OSBPL8: variants seen among roughly 807,000 people sequenced by gnomAD.
The protein encoded by OSBPL8 is oxysterol-binding protein-related protein 8.
Under a neutral mutation model 125.5 loss-of-function variants are expected in OSBPL8, and 59 were observed. That is an observed-to-expected ratio of 0.47 (90% CI 0.38 to 0.58). The LOEUF (loss-of-function observed/expected upper bound fraction) is 0.58. Ranked by LOEUF, OSBPL8 falls within the 20% of genes least tolerant of loss-of-function variation. OSBPL8 has a pLI of 0.00. For missense variants in OSBPL8, 758 were observed against 1,047.8 expected (o/e 0.72, Z 3.82); for synonymous variants, 330 against 338.9 (o/e 0.97, Z 0.29).
intron 2 of OSBPL8, among the ~76,000 whole-genome samples, chr12:76,474,436 CA>C (rs1876554271): frequency 6.6e-6 from 1 of 151,388 alleles, no homozygotes; most frequent in African/African-American, 2.4e-5. Flanking sequence ...TACACACATA[CA>C]TATATATATA....
At chr12:76,439,527 TG>T (rs941138944) in intron 4 of OSBPL8, among the ~76,000 whole-genome samples, 1 of 152,150 alleles carries the variant, frequency 6.6e-6, no homozygotes, top group Non-Finnish European at 1.5e-5. Context: ...TGTATGTGCT[TG>T]GGGGGAGAGT....
At chr12:76,397,560 G>C in intron 8 of OSBPL8, 134 bp downstream of exon 8, 1 of 890,814 alleles carries the variant, frequency 1.1e-6, no homozygotes, top group Non-Finnish European at 1.7e-6. Flanking sequence ...GGCAGAATGG[G>C]GGAATAATGC....
chr12:76,396,236 C>T (rs142538338), intron 8 of OSBPL8, among the ~76,000 whole-genome samples: 96 of 152,174 alleles, frequency 6.3e-4, no homozygotes, highest in African/African-American at 2.0e-3. Flanking sequence ...AATGTATTCT[C>T]GCTGTGACTC....
Position 76,358,732 on chromosome 12 carries a change from T to C in OSBPL8, c.2408A>G (p.Asp803Gly), listed in dbSNP as rs1350826593. 1 of 1,613,860 alleles carries C rather than the reference T, an allele frequency of 6.2e-7. No homozygotes were observed. Among genetic ancestry groups the C allele is most frequent in the East Asian group, 2.2e-5 (1 of 44,866 alleles). Residue 803 changes from aspartate (D) to glycine (G), a missense_variant, in exon 22 of 24, where the codon GAC becomes GGC. Physicochemically the swap from Asp to Gly is moderately conservative, Grantham distance 94. Transcript: ENST00000261183. ...TTCACTTCCAGAGGAGTCTTGAATG[T>C]CAGGTTCTGGGGAGGAATAGCCTTT... ...VAKGYSSPEP[D>G]IQDSSGSEAQ...
At chr12:76,386,367 T>C (rs1953314325) in intron 13 of OSBPL8, 101 bp from the exon 14 acceptor site, 1 of 1,420,606 alleles carries the variant, frequency 7.0e-7, no homozygotes, top group African/African-American at 1.5e-5. Context: ...CTGGGAACCG[T>C]CCTTATAAAA....
At chr12:76,554,751 A>G (rs1951045582) in intron 1 of OSBPL8, among the ~76,000 whole-genome samples, 1 of 152,230 alleles carries the variant, frequency 6.6e-6, no homozygotes, top group Non-Finnish European at 1.5e-5. Flanking sequence ...TTTTTATTTG[A>G]AAAAAGTCAA....
intron 3 of OSBPL8, among the ~76,000 whole-genome samples, chr12:76,451,839 G>A (rs913664302): frequency 6.6e-5 from 10 of 152,082 alleles, no homozygotes; most frequent in Non-Finnish European, 1.2e-4. Context: ...ATAAAAACTC[G>A]AGTTTCATCT....
chr12:76,559,175 G>C (rs866795001), intron 1 of OSBPL8, among the ~76,000 whole-genome samples: 5 of 152,194 alleles, frequency 3.3e-5, no homozygotes, highest in Non-Finnish European at 2.9e-5. Context: ...CGCGGCTTTT[G>C]TAAGGCTGCA....
rs150134897 is a variant in OSBPL8 at position 76,370,984 on chromosome 12, G to T, written c.2054+464C>A. Among the ~76,000 whole-genome samples, 47 of 152,262 alleles carry T rather than the reference G, an allele frequency of 3.1e-4. No homozygotes were observed. The East Asian group carries it at 8.9e-3, about 29-fold the overall frequency. On this transcript the variant is annotated intron_variant, in intron 19 of 23. Transcript: ENST00000261183. ...TCATGACTTAAGAACAGAAATGATA[G>T]CCTTAGTTATTACCCAACTAATAAA... is the stretch of plus-strand genomic sequence containing the variant.
intron 4 of OSBPL8, among the ~76,000 whole-genome samples, chr12:76,415,599 GTTTCT>G (rs1269947742): frequency 6.6e-6 from 1 of 151,948 alleles, no homozygotes; most frequent in African/African-American, 2.4e-5. Flanking sequence ...CAGATATTCC[GTTTCT>G]TTTAAGAACA....
At chr12:76,485,934 A>T (rs1339657290) in intron 2 of OSBPL8, 4 of 247,006 alleles carry the variant, frequency 1.6e-5, no homozygotes, top group Non-Finnish European at 3.2e-5. Flanking sequence ...CATTAGATAT[A>T]AAAAAAGGTA....
At chr12:76,360,462 T>C (rs1952157888) in intron 21 of OSBPL8, among the ~76,000 whole-genome samples, 2 of 152,202 alleles carry the variant, frequency 1.3e-5, no homozygotes, top group Admixed American at 6.5e-5. Flanking sequence ...GTCTGCGGCT[T>C]TTCCAGGTGC....
At chr12:76,513,164 T>C (rs975080937) in intron 1 of OSBPL8, among the ~76,000 whole-genome samples, 14 of 152,222 alleles carry the variant, frequency 9.2e-5, no homozygotes, top group Non-Finnish European at 1.6e-4. Context: ...AAGAGCATGT[T>C]TGGTATGATT....
intron 11 of OSBPL8, 175 bp from the exon 12 acceptor site, chr12:76,390,004 G>T: frequency 2.1e-6 from 1 of 472,238 alleles, no homozygotes; most frequent in Non-Finnish European, 3.5e-6. Context: ...GTAAAAAAGG[G>T]TAGCTGAAAA....
chr12:76,467,907 A>C (rs1446686878), intron 2 of OSBPL8, among the ~76,000 whole-genome samples: 1 of 152,146 alleles, frequency 6.6e-6, no homozygotes, highest in East Asian at 1.9e-4. Context: ...TCTCCAGTCT[A>C]CCCAACATTA....
At position 76,463,123 on chromosome 12, in the gene OSBPL8, G is replaced by A. The variant is rs190719601; in HGVS notation, c.43-3228C>T. 5.3e-5 allele frequency among the ~76,000 whole-genome samples: 8 copies of A among 152,294 alleles called. No individual in the cohort carries two copies. The East Asian group carries it at 1.5e-3, about 29-fold the overall frequency. ...TTGATAACAGACTAGAGAGACAAGG[G>A]TATAATCACTTAGGAGGTTACCACT... On this transcript the variant is annotated intron_variant, in intron 2 of 23. Coordinates refer to ENST00000261183, the MANE Select transcript of OSBPL8 (RefSeq NM_020841.5).
intron 5 of OSBPL8, among the ~76,000 whole-genome samples, chr12:76,406,936 G>A (rs1325088413): frequency 1.3e-5 from 2 of 152,042 alleles, no homozygotes; most frequent in Non-Finnish European, 2.9e-5. Flanking sequence ...ATAATGTCTT[G>A]GGGATGAGGC....
chr12:76,460,187 TAA>T (rs1874549092), intron 2 of OSBPL8, among the ~76,000 whole-genome samples: 1 of 152,292 alleles, frequency 6.6e-6, no homozygotes, highest in East Asian at 1.9e-4. Context: ...TTTTGAAAAT[TAA>T]GTCAAAAATT....
rs1267357286 is a variant in OSBPL8, at chr12:76,399,942, T to C, written c.399A>G (p.Lys133=). The change falls in exon 7 of 24, where the codon AAA becomes AAG. Residue 133 remains lysine (K), a synonymous_variant. Transcript: ENST00000261183. ...VQKKNYREEK[K]RATKELLSTI... Reference sequence around the variant, plus strand: ...TACTGAGCAGCTCCTTTGTGGCTCTTTTCTTTTCTTCTCGGTAATTTTTCT... The same window carrying C: ...TACTGAGCAGCTCCTTTGTGGCTCTCTTCTTTTCTTCTCGGTAATTTTTCT... 2.5e-6 allele frequency: 4 copies of C among 1,605,722 alleles called. No individual in the cohort carries two copies. The highest frequency in any genetic ancestry group is 1.3e-5 in the African/African-American group (1 of 74,138).
Sources: gnomAD v4.1 joint callset for allele counts (sites outside exome capture counted in the v4.1 genomes callset) on GRCh38, gnomAD v4.1.1 for gene constraint, MANE v1.5 for transcripts, NCBI Gene and HGNC (gene_info 2026-07-23, HGNC 2026-07-21) for gene names.